KCNAB2: variants seen among roughly 807,000 people sequenced by gnomAD.
KCNAB2 encodes potassium voltage-gated channel subfamily A regulatory beta subunit 2, also known as voltage-gated potassium channel subunit beta-2.
In KCNAB2, 29 loss-of-function variants were observed where a neutral mutation model predicts 63.6. The observed-to-expected ratio is 0.46, with a 90% CI of 0.34 to 0.62. The LOEUF (loss-of-function observed/expected upper bound fraction) is 0.62, where lower values mean the gene tolerates loss of function less well. Ranked by LOEUF, KCNAB2 falls within the 20% of genes least tolerant of loss-of-function variation. KCNAB2 has a pLI of 0.01. For synonymous variants in KCNAB2, 222 were observed against 224.2 expected (o/e 0.99, Z 0.09); for missense variants, 359 against 563.9 (o/e 0.64, Z 3.68).
chr1:6,090,613 G>A, intron 9 of KCNAB2, 138 bp downstream of exon 9: 1 of 642,776 alleles, frequency 1.6e-6, no homozygotes, highest in South Asian at 1.9e-5. Flanking sequence ...TCCAGGGTGG[G>A]GGGCGAGGGG....
chr1:6,006,959 G>A (rs1171870705), intron 1 of KCNAB2, among the ~76,000 whole-genome samples: 2 of 152,112 alleles, frequency 1.3e-5, no homozygotes, highest in African/African-American at 2.4e-5. Context: ...GGGGAAGGAC[G>A]GTAAACAGTT....
rs1357319005 is a variant in KCNAB2, at chr1:6,035,995, C to G, written c.-53+1201C>G. On this transcript the variant is annotated intron_variant, in intron 1 of 15. Transcript: ENST00000164247. The surrounding 1 kb of genome is among the most constrained non-coding windows in gnomAD (Gnocchi z 5.0). Reference sequence around the variant, plus strand: ...AAGCCGCAGGCAGCACCTCTGTCACCCCGATACGATGGGCACCGCTGGACC... The same window carrying G: ...AAGCCGCAGGCAGCACCTCTGTCACGCCGATACGATGGGCACCGCTGGACC... The G allele has an allele frequency of 2.0e-5, 3 of 152,690 alleles. No homozygotes were observed. The highest frequency in any genetic ancestry group is 2.9e-5 in the Non-Finnish European group (2 of 68,454). 9.5% of individuals were successfully genotyped at this position (152,690 alleles called of 1,614,324 possible).
chr1:6,084,352 G>A (rs1472413209), intron 5 of KCNAB2, among the ~76,000 whole-genome samples: 2 of 152,134 alleles, frequency 1.3e-5, no homozygotes, highest in Non-Finnish European at 2.9e-5. Flanking sequence ...TGACTCTGCC[G>A]TTCAGTGCAG....
chr1:6,042,254 C>T (rs1207611136), upstream of KCNAB2, among the ~76,000 whole-genome samples: 1 of 152,142 alleles, frequency 6.6e-6, no homozygotes, highest in Non-Finnish European at 1.5e-5. Flanking sequence ...CGTGGCGAGC[C>T]CATCCGTTCC....
In KCNAB2 at chr1:5,994,430, A is replaced by G. The variant is rs1408654348; in HGVS notation, c.-53+1642A>G. Among the ~76,000 whole-genome samples the G allele has an allele frequency of 6.6e-6, 1 of 151,872 alleles. No homozygotes were observed. Among genetic ancestry groups the G allele is most frequent in the East Asian group, 1.9e-4 (1 of 5,200 alleles). On this transcript the variant is annotated intron_variant, in intron 1 of 16. Transcript: ENST00000341524. This position sits in a 1 kb window ranked among gnomAD's most constrained non-coding sequence, Gnocchi z 5.4. ...TCCTCCAGGTCCTGTCATTGTCTCC[A>G]CGGCCACACTCGGCCTCAGTGGCAC...
chr1:6,019,790 A>G (rs1035865279), intron 1 of KCNAB2, among the ~76,000 whole-genome samples: 3 of 152,208 alleles, frequency 2.0e-5, no homozygotes, highest in Non-Finnish European at 4.4e-5. Flanking sequence ...AAGGAGGGAA[A>G]GAAGCAAGGT....
chr1:6,072,000 G>A lies in KCNAB2; in HGVS notation c.219-755G>A, dbSNP rs1663248371. ...CTAGGCAACCTGTGCCAGGACATACGGGCATGCCGGTCCTCAGCAGAGGGC... is the reference window on the plus strand; with the variant it reads ...CTAGGCAACCTGTGCCAGGACATACAGGCATGCCGGTCCTCAGCAGAGGGC... On this transcript the variant is annotated intron_variant, in intron 2 of 15. Coordinates refer to ENST00000378083, the MANE Select transcript of KCNAB2 (RefSeq NM_001199862.2). This position sits in a 1 kb window ranked among gnomAD's most constrained non-coding sequence, Gnocchi z 8.5. Among the ~76,000 whole-genome samples the A allele has an allele frequency of 6.6e-6, 1 of 152,150 alleles. No individual in the cohort carries two copies. Among genetic ancestry groups the A allele is most frequent in the African/African-American group, 2.4e-5 (1 of 41,444 alleles).
upstream of KCNAB2, among the ~76,000 whole-genome samples, chr1:6,042,360 G>A (rs973963366): frequency 3.9e-5 from 6 of 152,162 alleles, no homozygotes; most frequent in East Asian, 1.9e-4. Flanking sequence ...GTACTGATAC[G>A]ACGTGGATCA....
At chr1:6,044,110 G>A (rs373270796), upstream of KCNAB2, among the ~76,000 whole-genome samples, 12 of 152,290 alleles carry the variant, frequency 7.9e-5, no homozygotes, top group African/African-American at 2.9e-4. Context: ...CTCTGCTCAC[G>A]TGCTTTTGGC....
chr1:6,082,881 G>A (rs943563809), intron 5 of KCNAB2, among the ~76,000 whole-genome samples: 1 of 152,176 alleles, frequency 6.6e-6, no homozygotes, highest in African/African-American at 2.4e-5. Context: ...CTCCTGCCTG[G>A]GGCCAGCCAA....
At position 6,024,130 on chromosome 1, in the gene KCNAB2, C is replaced by CG. The variant is rs1225678239; in HGVS notation, c.-52-16383dup. On this transcript the variant is annotated intron_variant, in intron 1 of 16. Coordinates refer to the KCNAB2 transcript ENST00000341524. This position sits in a 1 kb window ranked among gnomAD's most constrained non-coding sequence, Gnocchi z 5.4. ...CTAATTTTTGTATTTTTAGTAGAGA[C>CG]GGGGTTTCACCATGTTGGTCAGGCT... Among the ~76,000 whole-genome samples, 1 of 152,082 alleles carries CG rather than the reference C, an allele frequency of 6.6e-6. No homozygotes were observed. Among genetic ancestry groups the CG allele is most frequent in the African/African-American group, 2.4e-5 (1 of 41,394 alleles).
chr1:6,051,348 T>A (rs1016062221), intron 1 of KCNAB2, among the ~76,000 whole-genome samples, 163 bp from the exon 2 acceptor site: 1 of 152,048 alleles, frequency 6.6e-6, no homozygotes, highest in African/African-American at 2.4e-5. Flanking sequence ...TGCCAAGAGG[T>A]GTTTACATCC....
At chr1:6,018,192 A>T (rs573603233) in intron 1 of KCNAB2, among the ~76,000 whole-genome samples, 1 of 143,406 alleles carries the variant, frequency 7.0e-6, no homozygotes, top group African/African-American at 2.6e-5. Context: ...CAGCCTCCCA[A>T]TCCCAAAGTG....
At chr1:6,063,760 C>T (rs34286830) in intron 2 of KCNAB2, among the ~76,000 whole-genome samples, 2,392 of 152,286 alleles carry the variant, frequency 0.016, 28 homozygotes, top group Non-Finnish European at 0.024. Context: ...GAGAGGGCTA[C>T]ATCCTGTTTC....
In KCNAB2 at chr1:6,073,262, AC is replaced by A. The variant is rs1663374338; in HGVS notation, c.263-466del. On this transcript the variant is annotated intron_variant, in intron 3 of 15. Transcript: ENST00000378083. This position sits in a 1 kb window ranked among gnomAD's most constrained non-coding sequence, Gnocchi z 5.7. ...CCTCCCCTCTGCATGCAGTACACAC[AC>A]CCCCACACACACACCGCCCACTGCA... Among the ~76,000 whole-genome samples the A allele has an allele frequency of 6.7e-6, 1 of 149,778 alleles. No homozygotes were observed.
chr1:6,046,550 G>A (rs767537254), intron 1 of KCNAB2, among the ~76,000 whole-genome samples: 1 of 152,222 alleles, frequency 6.6e-6, no homozygotes, highest in Non-Finnish European at 1.5e-5. Flanking sequence ...TTCCAGTTTT[G>A]CCCAGAGCGC....
Position 6,035,239 on chromosome 1 carries a change from TG to T in KCNAB2, c.-53+446del, listed in dbSNP as rs1557432342. Among the ~76,000 whole-genome samples, 4 of 152,048 alleles carry T rather than the reference TG, an allele frequency of 2.6e-5. No individual in the cohort carries two copies. The highest frequency in any genetic ancestry group is 2.0e-4 in the Admixed American group (3 of 15,274). ...AGCCAGTGTGGCAGGGGCCAGTGTG[TG>T]AGGGGCTCAGCGGGGGATGTGGCTA... is the stretch of plus-strand genomic sequence containing the variant. On this transcript the variant is annotated intron_variant, in intron 1 of 15. Coordinates refer to the KCNAB2 transcript ENST00000164247. The surrounding 1 kb of genome is among the most constrained non-coding windows in gnomAD (Gnocchi z 5.0).
chr1:6,059,812 C>T (rs1254155426), intron 2 of KCNAB2, among the ~76,000 whole-genome samples: 3 of 152,056 alleles, frequency 2.0e-5, no homozygotes, highest in African/African-American at 4.8e-5. Flanking sequence ...TCCTGGTGAG[C>T]AAGAGGAAGG....
At chr1:6,009,782 C>T (rs1038492342) in intron 1 of KCNAB2, among the ~76,000 whole-genome samples, 8 of 151,986 alleles carry the variant, frequency 5.3e-5, no homozygotes, top group African/African-American at 1.4e-4. Flanking sequence ...CTCTCTGTCT[C>T]TCTATGTCTT....
Sources: gnomAD v4.1 joint callset for allele counts (sites outside exome capture counted in the v4.1 genomes callset) on GRCh38, gnomAD v4.1.1 for gene constraint, Gnocchi (gnomAD v3.1) non-coding constraint, MANE v1.5 for transcripts, NCBI Gene and HGNC (gene_info 2026-07-23, HGNC 2026-07-21) for gene names.